The following MAP3K2 variants were observed in gnomAD, a reference collection of about 807,000 sequenced individuals.
MAP3K2 encodes the protein mitogen-activated protein kinase kinase kinase 2.
In MAP3K2, 24 loss-of-function variants were observed where a neutral mutation model predicts 80.3. The observed-to-expected ratio is 0.30, with a 90% CI of 0.22 to 0.42. The LOEUF is 0.42. MAP3K2 is among the 10% of genes least tolerant of loss of function. The pLI, the probability that MAP3K2 is intolerant of heterozygous loss-of-function variation, is 1.00. For synonymous variants in MAP3K2, 244 were observed against 253.7 expected (o/e 0.96, Z 0.36); for missense variants, 608 against 750.1 (o/e 0.81, Z 2.21).
chr2:127,302,066 T>C lies in MAP3K2; in HGVS notation c.*5513A>G, dbSNP rs546163541. On this transcript the variant is annotated 3_prime_UTR_variant, in exon 17 of 17. Transcript: ENST00000682094. ...TACAAGAGAATTTCCTTGTGAATACTTGGTAAGCTAAGGAAGCTTATTTTG... is the reference window on the plus strand; with the variant it reads ...TACAAGAGAATTTCCTTGTGAATACCTGGTAAGCTAAGGAAGCTTATTTTG... 3.3e-5 allele frequency: 5 copies of C among 152,320 alleles called. No homozygotes were observed. The highest frequency in any genetic ancestry group is 5.9e-5 in the Non-Finnish European group (4 of 68,014). 9.4% of individuals were successfully genotyped at this position (152,320 alleles called of 1,614,324 possible).
intron 1 of MAP3K2, among the ~76,000 whole-genome samples, chr2:127,376,022 T>C (rs72848615): frequency 6.6e-6 from 1 of 151,986 alleles, no homozygotes; most frequent in Non-Finnish European, 1.5e-5. Flanking sequence ...ACTGCACATA[T>C]CTGTACTCTC....
intron 14 of MAP3K2, among the ~76,000 whole-genome samples, chr2:127,315,277 T>G (rs371423799): frequency 3.3e-5 from 5 of 152,226 alleles, no homozygotes; most frequent in Admixed American, 6.5e-5. Flanking sequence ...TTTTGAAAAC[T>G]TCCCTAGTGA....
At chr2:127,325,415 A>C (rs1036072125) in intron 9 of MAP3K2, among the ~76,000 whole-genome samples, 1 of 152,230 alleles carries the variant, frequency 6.6e-6, no homozygotes, top group Non-Finnish European at 1.5e-5. Context: ...ATGGTGGCTC[A>C]TGTGTGTAAT....
intron 4 of MAP3K2, among the ~76,000 whole-genome samples, chr2:127,337,342 G>A (rs6755703): frequency 0.034 from 5,152 of 151,990 alleles, 126 homozygotes; most frequent in Middle Eastern, 0.071. Flanking sequence ...ATAAAACTGA[G>A]GTCTCTTGAG....
chr2:127,353,142 G>C (rs1359170976), intron 1 of MAP3K2, among the ~76,000 whole-genome samples: 2 of 151,844 alleles, frequency 1.3e-5, no homozygotes, highest in African/African-American at 2.4e-5. Flanking sequence ...AGTGAGGAGC[G>C]TCTCTGCCTG....
At chr2:127,343,436 T>C (rs907236554) in intron 1 of MAP3K2, among the ~76,000 whole-genome samples, 1 of 152,078 alleles carries the variant, frequency 6.6e-6, no homozygotes. Context: ...AACCATAGTG[T>C]TTGTACAAAC....
chr2:127,367,139 A>G (rs1027070936), intron 1 of MAP3K2, among the ~76,000 whole-genome samples: 7 of 152,192 alleles, frequency 4.6e-5, no homozygotes, highest in Admixed American at 1.3e-4. Context: ...GAGACATAAC[A>G]GCTTGGGGGT....
Position 127,387,590 on chromosome 2 carries a change from G to T in MAP3K2, c.-204C>A. 1.0e-6 allele frequency: 1 copy of T among 985,024 alleles called. No homozygotes were observed. Among genetic ancestry groups the T allele is most frequent in the Non-Finnish European group, 1.2e-6 (1 of 829,758 alleles). The allele number at this position is 985,024 out of a possible 1,614,324, so 61.0% of individuals were successfully genotyped here. A position where few individuals can be genotyped will look rare whatever the true frequency, so the allele number is the denominator to read the frequency against. On this transcript the variant is annotated 5_prime_UTR_variant, in exon 1 of 17. Coordinates refer to ENST00000682094, the MANE Select transcript of MAP3K2 (RefSeq NM_001371910.2). ...CGCAGGGCCCCCGGGGACCGGAGGGGCGCGCGAGGAGTCGGGCGCGGGCCT... is the reference window on the plus strand; with the variant it reads ...CGCAGGGCCCCCGGGGACCGGAGGGTCGCGCGAGGAGTCGGGCGCGGGCCT...
chr2:127,324,137 A>G (rs1182042554), intron 10 of MAP3K2, 37 bp downstream of exon 10: 3 of 1,383,476 alleles, frequency 2.2e-6, no homozygotes, highest in Non-Finnish European at 2.9e-6. Context: ...ATCCAATGAC[A>G]TAAACATTTA....
chr2:127,335,782 TAA>T (rs1401278791), intron 5 of MAP3K2, 86 bp downstream of exon 5: 1 of 656,848 alleles, frequency 1.5e-6, no homozygotes, highest in African/African-American at 1.8e-5. Flanking sequence ...AATCCCTAAA[TAA>T]AAACACGAGT....
At position 127,307,809 on chromosome 2, in the gene MAP3K2, A is replaced by G. The variant is rs749099673; in HGVS notation, c.1635-5T>C. The stretch of plus-strand genomic sequence containing the variant: ...ACCACAGTACATGCAACACTCCTGA[A>G]AAGAAACAAAAAGAAATACATTACA... On this transcript the variant is annotated splice_polypyrimidine_tract_variant and splice_region_variant and intron_variant, in intron 16 of 16. Coordinates refer to ENST00000682094, the MANE Select transcript of MAP3K2 (RefSeq NM_001371910.2). This position sits in a 1 kb window ranked among gnomAD's most constrained non-coding sequence, Gnocchi z 5.4. The G allele has an allele frequency of 7.1e-6, 11 of 1,546,624 alleles. No individual in the cohort carries two copies. The South Asian group carries it at 8.3e-5, about 12-fold the overall frequency.
rs1402266918 is a variant in MAP3K2 at position 127,305,236 on chromosome 2, A to G, written c.*2343T>C. On this transcript the variant is annotated 3_prime_UTR_variant, in exon 17 of 17. Transcript: ENST00000682094. The stretch of plus-strand genomic sequence containing the variant: ...CAAGACAGATATGAAGGAAAAGCCC[A>G]CTGGTCAAGGACCATGATCTTGCTC... The G allele has an allele frequency of 6.6e-6, 1 of 152,582 alleles. No individual in the cohort carries two copies. 9.5% of individuals were successfully genotyped at this position (152,582 alleles called of 1,614,324 possible). A position where few individuals can be genotyped will look rare whatever the true frequency, so the allele number is the denominator to read the frequency against.
intron 1 of MAP3K2, among the ~76,000 whole-genome samples, chr2:127,366,640 G>A (rs1374832020): frequency 6.6e-6 from 1 of 151,982 alleles, no homozygotes; most frequent in Non-Finnish European, 1.5e-5. Context: ...GGTTGCTACT[G>A]GGCATAAAGG....
At chr2:127,337,807 A>G (rs1159721519) in intron 3 of MAP3K2, 29 bp from the exon 4 acceptor site, 2 of 1,378,278 alleles carry the variant, frequency 1.5e-6, no homozygotes, top group Admixed American at 4.6e-5. Context: ...TCAGTCTTTC[A>G]GAGATTAGAC....
At position 127,328,692 on chromosome 2, in the gene MAP3K2, G is replaced by A. The variant is rs183952202; in HGVS notation, c.466+1229C>T. 2.1e-3 allele frequency among the ~76,000 whole-genome samples: 315 copies of A among 152,280 alleles called. 3 individuals carry two copies. Among genetic ancestry groups the A allele is most frequent in the African/African-American group, 7.1e-3 (297 of 41,542 alleles). On this transcript the variant is annotated intron_variant, in intron 7 of 16. Coordinates refer to ENST00000682094, the MANE Select transcript of MAP3K2 (RefSeq NM_001371910.2). ...GAAACCCAAAGTAGGACTTATTTAA[G>A]ACAGACACTTCGAAGAGAATGGTCA...
At chr2:127,325,236 G>A (rs1003623932) in intron 9 of MAP3K2, among the ~76,000 whole-genome samples, 2 of 152,090 alleles carry the variant, frequency 1.3e-5, no homozygotes, top group Admixed American at 6.5e-5. Flanking sequence ...AGTCCCATGA[G>A]GTAAAGGGAT....
chr2:127,378,925 T>C (rs1436443286), intron 1 of MAP3K2, among the ~76,000 whole-genome samples: 1 of 151,580 alleles, frequency 6.6e-6, no homozygotes, highest in Non-Finnish European at 1.5e-5. Flanking sequence ...TTTGAGTAGC[T>C]GGAACTACCG....
At chr2:127,351,061 T>G (rs62157556) in intron 1 of MAP3K2, among the ~76,000 whole-genome samples, 2,205 of 152,224 alleles carry the variant, frequency 0.014, 22 homozygotes, top group Non-Finnish European at 0.019. Flanking sequence ...ACCTCAAAAC[T>G]GTCGAAATCA....
intron 1 of MAP3K2, among the ~76,000 whole-genome samples, chr2:127,355,983 T>C (rs570162524): frequency 1.4e-4 from 22 of 152,298 alleles, no homozygotes; most frequent in African/African-American, 5.1e-4. Context: ...CTTTGTTTGC[T>C]TGTCCATAAG....
Sources: gnomAD v4.1 joint callset for allele counts (sites outside exome capture counted in the v4.1 genomes callset) on GRCh38, gnomAD v4.1.1 for gene constraint, Gnocchi (gnomAD v3.1) non-coding constraint, MANE v1.5 for transcripts, NCBI Gene and HGNC (gene_info 2026-07-23, HGNC 2026-07-21) for gene names.